The following NSUN2 variants were observed in gnomAD, a reference collection of about 807,000 sequenced individuals.
The protein encoded by NSUN2 is RNA cytosine C(5)-methyltransferase NSUN2.
A neutral mutation model predicts 92.7 loss-of-function variants in NSUN2; 63 were observed. The observed-to-expected ratio is 0.68, with a 90% confidence interval of 0.56 to 0.84. The LOEUF is 0.84. Ranked by LOEUF, NSUN2 falls within the 40% of genes least tolerant of loss-of-function variation. The pLI, the probability that NSUN2 is intolerant of heterozygous loss-of-function variation, is 0.00. For synonymous variants in NSUN2, 356 were observed against 348.3 expected (o/e 1.02, Z -0.25); for missense variants, 989 against 964.9 (o/e 1.02, Z -0.33).
In NSUN2 at chr5:6,603,430, G is replaced by A. The variant is rs188843198; in HGVS notation, c.1957+708C>T. Among the ~76,000 whole-genome samples the A allele has an allele frequency of 1.3e-3, 191 of 152,354 alleles. 2 individuals carry two copies. The highest frequency in any genetic ancestry group is 4.4e-3 in the African/African-American group (184 of 41,580). ...TTACTGGCTGGGCGCGGTGGCCCACGCCTGTAATCCCAGCACTTTGGGAGG... is the reference window on the plus strand; with the variant it reads ...TTACTGGCTGGGCGCGGTGGCCCACACCTGTAATCCCAGCACTTTGGGAGG... On this transcript the variant is annotated intron_variant, in intron 17 of 18. Transcript: ENST00000264670.
Position 6,599,930 on chromosome 5 carries a change from C to T in NSUN2, c.2300G>A (p.Arg767Gln), listed in dbSNP as rs140673211. 8,523 of 1,612,266 alleles carry T rather than the reference C, an allele frequency of 5.3e-3. 29 individuals are homozygous for T. The highest frequency in any genetic ancestry group is 6.3e-3 in the Non-Finnish European group (7,402 of 1,179,634). Residue 767 changes from arginine (R) to glutamine (Q), a missense_variant, in exon 19 of 19, where the codon CGG becomes CAG. Around this residue, in one of 3 missense-constraint regions of NSUN2, gnomAD observed 626 missense variants for 602.3 expected, o/e 1.04. Coordinates refer to ENST00000264670, the MANE Select transcript of NSUN2 (RefSeq NM_017755.6). ...CCCCCGCTGCCTTGGGCCTGCTCAC[C>T]GGGGTGGATGGACCCCCGCCGGGTC... ...GCDPAGVHPP[R>Q] is the part of the protein sequence containing the mutation.
At position 6,626,592 on chromosome 5, in the gene NSUN2, G is replaced by A. The variant is rs376040519; in HGVS notation, c.360-923C>T. On this transcript the variant is annotated intron_variant, in intron 3 of 18. Transcript: ENST00000264670. ...TCGAACTCCTGGCCTCGAGTGATCC[G>A]GCCGCATCAGTCTCCCAAAGTGTTG... 2.8e-4 allele frequency among the ~76,000 whole-genome samples: 43 copies of A among 152,196 alleles called. 1 individual carries two copies. Among genetic ancestry groups the A allele is most frequent in the African/African-American group, 9.4e-4 (39 of 41,512 alleles).
At chr5:6,602,606 A>T in intron 17 of NSUN2, 106 bp from the exon 18 acceptor site, 1 of 1,027,480 alleles carries the variant, frequency 9.7e-7, no homozygotes, top group East Asian at 2.4e-5. Flanking sequence ...GAAGAAAGAA[A>T]ACAACAAATA....
chr5:6,626,114 T>A (rs926249726), intron 3 of NSUN2, among the ~76,000 whole-genome samples: 1 of 152,174 alleles, frequency 6.6e-6, no homozygotes, highest in African/African-American at 2.4e-5. Context: ...ATTAGTTTTT[T>A]AAAAAATATA....
rs201206063 is a variant in NSUN2, at chr5:6,625,612, C to T, written c.417G>A (p.Ser139=). Residue 139 remains serine (S), a synonymous_variant, in exon 4 of 19, where the codon TCG becomes TCA. Transcript: ENST00000264670. ...TNLSRKILRK[S]PHLEKFHQFL... The stretch of plus-strand genomic sequence containing the variant: ...ACTGATGAAACTTTTCCAAGTGTGG[C>T]GATTTTCTCAAGATTTTTCGACTTA... 26 of 1,613,998 alleles carry T rather than the reference C, an allele frequency of 1.6e-5. No homozygotes were observed. The East Asian group carries it at 2.0e-4, about 12-fold the overall frequency.
rs911595972 is a variant in NSUN2, at chr5:6,628,470, G to C, written c.360-2801C>G. ...AATTTCTCATTGTTCTGAGTCTATG[G>C]AAAGTAAGAAAAAAATGAAACTGGC... On this transcript the variant is annotated intron_variant, in intron 3 of 18. Transcript: ENST00000264670. 9.9e-5 allele frequency among the ~76,000 whole-genome samples: 15 copies of C among 152,162 alleles called. No homozygotes were observed. In the East Asian group the frequency reaches 1.5e-3, roughly 16 times the overall value.
At chr5:6,630,891 A>C (rs1303005640) in intron 3 of NSUN2, among the ~76,000 whole-genome samples, 1 of 152,170 alleles carries the variant, frequency 6.6e-6, no homozygotes, top group Non-Finnish European at 1.5e-5. Flanking sequence ...TCAGGAGATG[A>C]GACCATCCTG....
At chr5:6,610,275 C>A (rs980058137) in intron 11 of NSUN2, among the ~76,000 whole-genome samples, 1 of 151,738 alleles carries the variant, frequency 6.6e-6, no homozygotes, top group African/African-American at 2.4e-5. Flanking sequence ...TGGGGTCTTG[C>A]CATGTCGTCC....
chr5:6,621,367 A>G (rs1229364134), intron 6 of NSUN2: 1 of 152,146 alleles, frequency 6.6e-6, no homozygotes, highest in Non-Finnish European at 1.5e-5. Context: ...TAATAGTAAT[A>G]ATAATGAACA....
At chr5:6,601,966 C>A (rs908236496) in intron 18 of NSUN2, among the ~76,000 whole-genome samples, 1 of 151,100 alleles carries the variant, frequency 6.6e-6, no homozygotes, top group African/African-American at 2.4e-5. Flanking sequence ...CAAGGCCCCC[C>A]ACAAGGATGC....
rs1346980062 is a variant in NSUN2 at position 6,611,030 on chromosome 5, C to G, written c.1151G>C (p.Arg384Thr). Reference sequence around the variant, plus strand: ...CATGGTAGGTCGGATCTGGGTGTGTCTGCTGTGAGGAACAGCGTCCCAGTC... The same window carrying G: ...CATGGTAGGTCGGATCTGGGTGTGTGTGCTGTGAGGAACAGCGTCCCAGTC... ...FTDWDAVPHS[R>T]HTQIRPTMFP... is the part of the protein sequence containing the mutation. The change falls in exon 11 of 19, where the codon AGA becomes ACA. Residue 384 changes from arginine to threonine, a missense_variant. Physicochemically the swap from Arg to Thr is moderately conservative, Grantham distance 71 (BLOSUM62 -1). Coordinates refer to ENST00000264670, the MANE Select transcript of NSUN2 (RefSeq NM_017755.6). 6.2e-7 allele frequency: 1 copy of G among 1,614,192 alleles called. No homozygotes were observed. Among genetic ancestry groups the G allele is most frequent in the Non-Finnish European group, 8.5e-7 (1 of 1,180,034 alleles).
At position 6,623,200 on chromosome 5, in the gene NSUN2, T is replaced by C. The variant is rs932481136; in HGVS notation, c.537+14A>G. On this transcript the variant is annotated intron_variant, in intron 5 of 18. Coordinates refer to ENST00000264670, the MANE Select transcript of NSUN2 (RefSeq NM_017755.6). The stretch of plus-strand genomic sequence containing the variant: ...AAGCTGCCCGCCCCCACGTTTCTAG[T>C]TGCTATATGCTACCTTATGATGAGG... 3 of 1,582,346 alleles carry C rather than the reference T, an allele frequency of 1.9e-6. No homozygotes were observed. Among genetic ancestry groups the C allele is most frequent in the Non-Finnish European group, 2.6e-6 (3 of 1,170,972 alleles).
At chr5:6,606,155 C>T (rs1424475940) in intron 14 of NSUN2, among the ~76,000 whole-genome samples, 1 of 152,212 alleles carries the variant, frequency 6.6e-6, no homozygotes, top group Non-Finnish European at 1.5e-5. Context: ...CTAATTAGCC[C>T]TCACCCATGC....
chr5:6,612,215 C>T (rs907723330), intron 9 of NSUN2, among the ~76,000 whole-genome samples: 3 of 152,178 alleles, frequency 2.0e-5, no homozygotes, highest in Admixed American at 6.5e-5. Context: ...AGACTAACTC[C>T]GCAAGAAGAC....
intron 2 of NSUN2, among the ~76,000 whole-genome samples, chr5:6,632,369 C>T (rs185687638): frequency 5.1e-4 from 78 of 152,270 alleles, no homozygotes; most frequent in African/African-American, 1.9e-3. Context: ...TCCCCAGGAG[C>T]CGAATCTTCC....
chr5:6,607,986 TTTTTAACA>T (rs138863777), intron 12 of NSUN2, among the ~76,000 whole-genome samples: 2,549 of 152,314 alleles, frequency 0.017, 90 homozygotes, highest in African/African-American at 0.058. Context: ...ATACATGTCC[TTTTTAACA>T]TTTTAACAGG....
At chr5:6,631,253 G>C (rs971809840) in intron 3 of NSUN2, among the ~76,000 whole-genome samples, 2 of 152,270 alleles carry the variant, frequency 1.3e-5, no homozygotes, top group African/African-American at 4.8e-5. Flanking sequence ...ATCTTTACAA[G>C]ATGCTATCAG....
At chr5:6,623,331 A>AAACCGC in intron 4 of NSUN2, 46 bp from the exon 5 acceptor site, 3 of 1,529,846 alleles carry the variant, frequency 2.0e-6, no homozygotes, top group Non-Finnish European at 2.6e-6. Flanking sequence ...AAAAAAAAAA[A>AAACCGC]ACCGCAGACA....
intron 17 of NSUN2, among the ~76,000 whole-genome samples, chr5:6,603,226 G>A (rs890778589): frequency 6.6e-6 from 1 of 152,220 alleles, no homozygotes; most frequent in African/African-American, 2.4e-5. Context: ...AAACGTCACT[G>A]GAGTGATCTG....
Sources: allele counts gnomAD v4.1 joint callset (sites outside exome capture counted in the v4.1 genomes callset), GRCh38; gene constraint gnomAD v4.1.1; regional missense constraint gnomAD v4.1.1; transcripts MANE v1.5; gene names NCBI Gene and HGNC (gene_info 2026-07-23, HGNC 2026-07-21).